LBR: variants seen among roughly 807,000 people sequenced by gnomAD.
LBR encodes lamin B receptor.
LBR carries 28 observed loss-of-function variants against 74.3 expected under a neutral mutation model. The observed-to-expected ratio is 0.38, with a 90% confidence interval of 0.28 to 0.52. LBR has a LOEUF of 0.52. Among genes scored for constraint, LBR ranks in the 20% least tolerant of loss-of-function variants. The pLI, the probability that LBR is intolerant of heterozygous loss-of-function variation, is 0.89. For missense variants in LBR, 717 were observed against 760.3 expected, an observed-to-expected ratio of 0.94 and a Z score of 0.67; for synonymous variants, 228 against 269.3, an observed-to-expected ratio of 0.85 and a Z score of 1.50.
intron 10 of LBR, among the ~76,000 whole-genome samples, chr1:225,407,249 C>T (rs368682550): frequency 3.9e-5 from 6 of 152,308 alleles, no homozygotes; most frequent in African/African-American, 1.4e-4. Context: ...AGTCACTCTT[C>T]ACTACACTAA....
At chr1:225,407,034 G>A (rs116158711) in intron 10 of LBR, among the ~76,000 whole-genome samples, 245 of 152,104 alleles carry the variant, frequency 1.6e-3, no homozygotes, top group African/African-American at 5.4e-3. Flanking sequence ...CCAGCCTCTC[G>A]CTCATGCTCT....
intron 2 of LBR, among the ~76,000 whole-genome samples, chr1:225,423,260 G>A (rs1469795215): frequency 6.6e-6 from 1 of 152,040 alleles, no homozygotes; most frequent in Non-Finnish European, 1.5e-5. Context: ...ATAAATGTTT[G>A]TATACTACGG....
In LBR at chr1:225,414,355, A is replaced by G. The variant is rs143771083; in HGVS notation, c.892+923T>C. Reference sequence around the variant, plus strand: ...TCCAAAGTTAAAAAATGAAGAATTGAAAGGATAAAAAGTTCAACCATTACA... The same window carrying G: ...TCCAAAGTTAAAAAATGAAGAATTGGAAGGATAAAAAGTTCAACCATTACA... On this transcript the variant is annotated intron_variant, in intron 7 of 13. Coordinates refer to ENST00000272163, the MANE Select transcript of LBR (RefSeq NM_002296.4). The G allele has an allele frequency of 2.0e-4, 67 of 341,832 alleles. No individual in the cohort carries two copies. The East Asian group carries it at 4.5e-3, about 23-fold the overall frequency. The allele number at this position is 341,832 out of a possible 1,614,324, so 21.2% of individuals were successfully genotyped here.
chr1:225,404,618 A>G lies in LBR; in HGVS notation c.1564+8T>C, dbSNP rs1232959107. 6.2e-7 allele frequency: 1 copy of G among 1,602,216 alleles called. No individual in the cohort carries two copies. The highest frequency in any genetic ancestry group is 1.3e-5 in the African/African-American group (1 of 74,634). On this transcript the variant is annotated splice_region_variant and intron_variant, in intron 12 of 13. Coordinates refer to ENST00000272163, the MANE Select transcript of LBR (RefSeq NM_002296.4). ...ATATATATAATATAAACATAAATCA[A>G]TACTTACGTGCAAGCTTTGGATCAC...
intron 2 of LBR, chr1:225,422,566 G>A (rs1247010562): frequency 2.6e-6 from 1 of 388,530 alleles, no homozygotes; most frequent in African/African-American, 2.0e-5. Context: ...AACACCATAT[G>A]CAAGAAGGGT....
At chr1:225,426,974 CT>C (rs554013329) in intron 1 of LBR, among the ~76,000 whole-genome samples, 4 of 152,242 alleles carry the variant, frequency 2.6e-5, no homozygotes, top group African/African-American at 9.6e-5. Context: ...GTAGCTCCAT[CT>C]TCTCCCACAC....
At chr1:225,412,344 T>C (rs1420941764) in intron 8 of LBR, 110 bp downstream of exon 8, 2 of 957,650 alleles carry the variant, frequency 2.1e-6, no homozygotes, top group Admixed American at 4.0e-5. Context: ...CTTACTTCTC[T>C]TCATTTCCCA....
intron 10 of LBR, among the ~76,000 whole-genome samples, chr1:225,408,851 T>A (rs80056545): frequency 6.6e-6 from 1 of 152,326 alleles, no homozygotes; most frequent in Non-Finnish European, 1.5e-5. Context: ...CTATAGAAAA[T>A]ATCAACTTCT....
intron 6 of LBR, among the ~76,000 whole-genome samples, chr1:225,416,464 C>CT (rs1290729021): frequency 6.6e-6 from 1 of 152,200 alleles, no homozygotes; most frequent in Non-Finnish European, 1.5e-5. Context: ...GGCTAAACTA[C>CT]TTTATCTTAT....
intron 6 of LBR, among the ~76,000 whole-genome samples, chr1:225,416,718 T>C (rs1203794510): frequency 6.6e-6 from 1 of 152,192 alleles, no homozygotes; most frequent in Non-Finnish European, 1.5e-5. Flanking sequence ...CCAAAATATT[T>C]CGGAAAAAAT....
At chr1:225,405,332 A>G (rs1026092690) in intron 11 of LBR, among the ~76,000 whole-genome samples, 1 of 152,234 alleles carries the variant, frequency 6.6e-6, no homozygotes, top group African/African-American at 2.4e-5. Context: ...TAGTAAGAGA[A>G]TAACTTTACT....
chr1:225,412,206 A>G (rs1320099778), intron 8 of LBR, among the ~76,000 whole-genome samples: 1 of 152,250 alleles, frequency 6.6e-6, no homozygotes, highest in Admixed American at 6.5e-5. Context: ...AAGTTTACTA[A>G]ACGTCTTACT....
At chr1:225,415,438 C>A in intron 6 of LBR, 106 bp from the exon 7 acceptor site, 2 of 656,168 alleles carry the variant, frequency 3.0e-6, no homozygotes, top group Non-Finnish European at 5.4e-6. Context: ...TTTCAACACG[C>A]CCAAGAAGGA....
In LBR at chr1:225,403,219, A is replaced by AT. The variant is rs1003593149; in HGVS notation, c.*83_*84insA. ...AAGTACAGACCCTGTCAGTGCAACAAAAGAAAGTTTCGGATTTTTTTCCTT... is the reference window on the plus strand; with the variant it reads ...AAGTACAGACCCTGTCAGTGCAACAATAAGAAAGTTTCGGATTTTTTTCCTT... On this transcript the variant is annotated 3_prime_UTR_variant, in exon 14 of 14. Transcript: ENST00000272163. 1 of 1,380,786 alleles carries AT rather than the reference A, an allele frequency of 7.2e-7. No homozygotes were observed. The allele number at this position is 1,380,786 out of a possible 1,614,324, so 85.5% of individuals were successfully genotyped here.
chr1:225,413,949 T>C (rs1401612043), intron 7 of LBR: 3 of 456,742 alleles, frequency 6.6e-6, no homozygotes, highest in Non-Finnish European at 1.3e-5. Context: ...ACAAGACTAC[T>C]TAGAAAAGAA....
At chr1:225,406,494 T>C (rs1438724905) in intron 11 of LBR, 170 bp downstream of exon 11, 1 of 610,348 alleles carries the variant, frequency 1.6e-6, no homozygotes, top group Admixed American at 3.2e-5. Flanking sequence ...GTACGAACCA[T>C]CCATTCTCTT....
In LBR at chr1:225,402,557, T is replaced by C. The variant is rs748270864; in HGVS notation, c.*746A>G. 1 of 152,604 alleles carries C rather than the reference T, an allele frequency of 6.6e-6. No homozygotes were observed. 9.5% of individuals were successfully genotyped at this position (152,604 alleles called of 1,614,324 possible). Reference sequence around the variant, plus strand: ...ATTGTTCCAAAATTTTTAATTCACATTACTTTACAAAATTTTATTTAAAAT... The same window carrying C: ...ATTGTTCCAAAATTTTTAATTCACACTACTTTACAAAATTTTATTTAAAAT... On this transcript the variant is annotated 3_prime_UTR_variant, in exon 14 of 14. Coordinates refer to ENST00000272163, the MANE Select transcript of LBR (RefSeq NM_002296.4).
chr1:225,412,327 A>AT (rs1398000480), intron 8 of LBR, 127 bp downstream of exon 8: 2 of 828,856 alleles, frequency 2.4e-6, no homozygotes, highest in African/African-American at 1.7e-5. Flanking sequence ...TCATCTTTTC[A>AT]TTTTTTCTTA....
rs763985743 is a variant in LBR, at chr1:225,424,517, G to C, written c.-14-428C>G. Among the ~76,000 whole-genome samples the C allele has an allele frequency of 4.7e-4, 72 of 152,050 alleles. 1 individual carries two copies. Among genetic ancestry groups the C allele is most frequent in the Non-Finnish European group, 2.4e-4 (16 of 67,988 alleles). On this transcript the variant is annotated intron_variant, in intron 1 of 13. Transcript: ENST00000272163. ...AAACAGCAAACTATAAACCAGACTG[G>C]GAAAATCAAGGATGTACAATTAACA...
Sources: gnomAD v4.1 joint callset for allele counts (sites outside exome capture counted in the v4.1 genomes callset) on GRCh38, gnomAD v4.1.1 for gene constraint, MANE v1.5 for transcripts, NCBI Gene and HGNC (gene_info 2026-07-23, HGNC 2026-07-21) for gene names.